ANO1: variants seen among roughly 807,000 people sequenced by gnomAD.
ANO1 encodes the protein anoctamin 1, also known as anoctamin-1.
ANO1 carries 59 observed loss-of-function variants against 124.0 expected under a neutral mutation model. The ratio of observed to expected loss-of-function variants is 0.48; its 90% CI spans 0.39 to 0.59. The LOEUF (loss-of-function observed/expected upper bound fraction) is 0.59. Ranked by LOEUF, ANO1 falls within the 20% of genes least tolerant of loss-of-function variation. The pLI, the probability that ANO1 is intolerant of heterozygous loss-of-function variation, is 0.00. For missense variants in ANO1, 1,059 were observed against 1,328.0 expected (o/e 0.80, Z 3.15); for synonymous variants, 529 against 532.0 (o/e 0.99, Z 0.08).
chr11:70,161,155 C>T lies in ANO1; in HGVS notation c.1579-6C>T, dbSNP rs552596965. 138 of 1,612,750 alleles carry T rather than the reference C, an allele frequency of 8.6e-5. 3 individuals are homozygous for T. In the South Asian group the frequency reaches 1.4e-3, roughly 17 times the overall value. ...CCAACCAAGAGTGCCCCTTTCCCCC[C>T]TGCAGATTGCAGTGACGTTTGCCAT... is the stretch of plus-strand genomic sequence containing the variant. On this transcript the variant is annotated splice_region_variant and splice_polypyrimidine_tract_variant and intron_variant, in intron 16 of 25. Coordinates refer to ENST00000355303, the MANE Select transcript of ANO1 (RefSeq NM_018043.7).
chr11:70,086,878 A>AG lies in ANO1; in HGVS notation c.109-872dup, dbSNP rs554755393. ...ACGCTTGCACCCCTGGCCTCTGCTC[A>AG]GGCTCTGTTTGGGGGAGAGCCCTGA... On this transcript the variant is annotated intron_variant, in intron 1 of 25. Transcript: ENST00000355303. Among the ~76,000 whole-genome samples the AG allele has an allele frequency of 1.8e-4, 28 of 152,342 alleles. No individual in the cohort carries two copies. In the East Asian group the frequency reaches 5.4e-3, roughly 29 times the overall value.
chr11:70,128,804 A>G (rs1405380919), intron 10 of ANO1, among the ~76,000 whole-genome samples: 2 of 152,180 alleles, frequency 1.3e-5, no homozygotes, highest in East Asian at 3.9e-4. Context: ...GGGATTTAAA[A>G]CCAGCAGAAA....
intron 2 of ANO1, among the ~76,000 whole-genome samples, chr11:70,089,900 A>G (rs2044551671): frequency 2.6e-5 from 4 of 152,218 alleles, no homozygotes; most frequent in Admixed American, 2.6e-4. Flanking sequence ...CCATCAGGGA[A>G]GCTTGGCGGC....
chr11:70,114,491 G>T (rs906945993), intron 7 of ANO1, among the ~76,000 whole-genome samples: 9 of 152,238 alleles, frequency 5.9e-5, no homozygotes, highest in African/African-American at 2.2e-4. Context: ...ACTGCATGCA[G>T]TGTAGTTCTG....
chr11:70,162,760 G>A (rs1020842295), intron 18 of ANO1, among the ~76,000 whole-genome samples: 7 of 152,234 alleles, frequency 4.6e-5, no homozygotes, highest in African/African-American at 9.6e-5. Context: ...CCCCCTGAGC[G>A]CATCCAGGAT....
At chr11:70,109,006 G>A (rs1378520862) in intron 6 of ANO1, among the ~76,000 whole-genome samples, 1 of 152,170 alleles carries the variant, frequency 6.6e-6, no homozygotes, top group Non-Finnish European at 1.5e-5. Context: ...TGGGTCCCTT[G>A]CCCACAGCTG....
intron 2 of ANO1, among the ~76,000 whole-genome samples, chr11:70,101,059 C>T (rs1489107818): frequency 6.6e-6 from 1 of 151,962 alleles, no homozygotes. Flanking sequence ...AGGATTCACC[C>T]CATTGCCATT....
chr11:70,004,774 T>A (rs1554999820), intron 1 of ANO1, among the ~76,000 whole-genome samples: 1 of 152,186 alleles, frequency 6.6e-6, no homozygotes, highest in Non-Finnish European at 1.5e-5. Context: ...TGAGGTTGAT[T>A]TACACTAGCG....
intron 1 of ANO1, chr11:70,065,488 C>T (rs1350314695): frequency 6.5e-6 from 1 of 152,798 alleles, no homozygotes; most frequent in African/African-American, 2.4e-5. Context: ...CTTTCCAGCC[C>T]CTCCTCCCAG....
chr11:70,037,731 C>T (rs1303164988), intron 1 of ANO1, among the ~76,000 whole-genome samples: 3 of 152,116 alleles, frequency 2.0e-5, no homozygotes, highest in Admixed American at 6.6e-5. Context: ...CCAGGAAACC[C>T]GGTTTTTTCT....
intron 18 of ANO1, among the ~76,000 whole-genome samples, chr11:70,161,970 A>G (rs547436925): frequency 6.7e-6 from 1 of 150,156 alleles, no homozygotes; most frequent in East Asian, 2.0e-4. Context: ...CCAGGCAGTG[A>G]GGACCGGGGA....
chr11:70,072,104 T>A (rs1857885996), intron 1 of ANO1, among the ~76,000 whole-genome samples: 1 of 152,186 alleles, frequency 6.6e-6, no homozygotes, highest in African/African-American at 2.4e-5. Flanking sequence ...AAACGTTGCA[T>A]CAGGAGGACG....
intron 17 of ANO1, 43 bp downstream of exon 17, chr11:70,161,405 G>A: frequency 6.3e-7 from 1 of 1,592,924 alleles, no homozygotes; most frequent in Non-Finnish European, 8.6e-7. Context: ...GACTCAGGCA[G>A]CTGGAGTCGC....
the ANO1 span, among the ~76,000 whole-genome samples, chr11:69,978,513 G>A: frequency 6.6e-6 from 1 of 152,138 alleles, no homozygotes; most frequent in African/African-American, 2.4e-5. Context: ...AACACACCCA[G>A]CTAATTTTTG....
At chr11:70,086,804 T>G (rs1208770148) in intron 1 of ANO1, among the ~76,000 whole-genome samples, 1 of 151,960 alleles carries the variant, frequency 6.6e-6, no homozygotes, top group African/African-American at 2.4e-5. Context: ...CCTGTCAGCC[T>G]CCCTCCCCTT....
At position 70,156,941 on chromosome 11, in the gene ANO1, T is replaced by C; in HGVS notation, c.1504-6T>C. ...AGACAGTGACCGGCATTGTTTTGTG[T>C]TGTAGACTGACAAAGTGAAGCTGAC... On this transcript the variant is annotated splice_region_variant and splice_polypyrimidine_tract_variant and intron_variant, in intron 15 of 25. Coordinates refer to ENST00000355303, the MANE Select transcript of ANO1 (RefSeq NM_018043.7). 2 of 1,613,340 alleles carry C rather than the reference T, an allele frequency of 1.2e-6. No homozygotes were observed. The highest frequency in any genetic ancestry group is 1.7e-6 in the Non-Finnish European group (2 of 1,179,628).
At chr11:70,035,520 C>CTATATATATATATATATATA (rs34200982) in intron 1 of ANO1, among the ~76,000 whole-genome samples, 129 of 147,722 alleles carry the variant, frequency 8.7e-4, no homozygotes, top group African/African-American at 2.9e-3. Flanking sequence ...TAAGCTGTTG[C>CTATATATATATATATATATA]TATATATATA....
At chr11:70,152,748 C>T (rs909961806) in intron 13 of ANO1, among the ~76,000 whole-genome samples, 3 of 152,256 alleles carry the variant, frequency 2.0e-5, no homozygotes, top group African/African-American at 7.2e-5. Context: ...GTAGAATGTT[C>T]TCAGGGCCAG....
At chr11:70,100,207 G>A (rs951848093) in intron 2 of ANO1, among the ~76,000 whole-genome samples, 2 of 152,196 alleles carry the variant, frequency 1.3e-5, no homozygotes, top group Admixed American at 6.5e-5. Flanking sequence ...AAGCCCTGCA[G>A]GACCGCAACC....
Sources: gnomAD v4.1 joint callset for allele counts (sites outside exome capture counted in the v4.1 genomes callset) on GRCh38, gnomAD v4.1.1 for gene constraint, MANE v1.5 for transcripts, NCBI Gene and HGNC (gene_info 2026-07-23, HGNC 2026-07-21) for gene names.